The following STIL variants were observed in gnomAD, a reference collection of about 807,000 sequenced individuals.
STIL encodes SCL-interrupting locus protein.
STIL carries 55 observed loss-of-function variants against 110.1 expected under a neutral mutation model. The ratio of observed to expected loss-of-function variants is 0.50; its 90% CI spans 0.40 to 0.63. The LOEUF (loss-of-function observed/expected upper bound fraction) is 0.63. Among genes scored for constraint, STIL ranks in the 20% least tolerant of loss-of-function variants. The probability of loss-of-function intolerance (pLI) is 0.00; values close to 1 mark genes in which losing one functional copy is unlikely to be tolerated. For synonymous variants in STIL, 481 were observed against 530.0 expected (o/e 0.91, Z 1.27); for missense variants, 1,358 against 1,530.0 (o/e 0.89, Z 1.87).
At chr1:47,277,949 T>A (rs571244319) in intron 12 of STIL, among the ~76,000 whole-genome samples, 1 of 152,234 alleles carries the variant, frequency 6.6e-6, no homozygotes, top group African/African-American at 2.4e-5. Flanking sequence ...TTGTCCATGA[T>A]CTTGTAACCT....
At chr1:47,300,371 A>C (rs1183441228) in intron 5 of STIL, among the ~76,000 whole-genome samples, 1 of 152,144 alleles carries the variant, frequency 6.6e-6, no homozygotes, top group East Asian at 1.9e-4. Flanking sequence ...CCCAAGCTCC[A>C]CTACACATTT....
intron 12 of STIL, among the ~76,000 whole-genome samples, chr1:47,275,445 A>G (rs1644963993): frequency 1.3e-5 from 2 of 151,768 alleles, no homozygotes; most frequent in African/African-American, 4.8e-5. Context: ...CGTCTCTACT[A>G]AAAATACAAA....
rs1236026786 is a variant in STIL, at chr1:47,293,579, CACTT to C, written c.786-39_786-36del. 8 of 1,511,574 alleles carry C rather than the reference CACTT, an allele frequency of 5.3e-6. No homozygotes were observed. In the East Asian group the frequency reaches 1.8e-4, roughly 34 times the overall value. 93.6% of individuals were successfully genotyped at this position (1,511,574 alleles called of 1,614,324 possible). On this transcript the variant is annotated intron_variant, in intron 7 of 16. Coordinates refer to ENST00000371877, the MANE Select transcript of STIL (RefSeq NM_001048166.1). The stretch of plus-strand genomic sequence containing the variant: ...AAAGATAGAAATTAAAAACCATAGT[CACTT>C]ACATATATAGCATAATTTACATTCT...
At position 47,302,311 on chromosome 1, in the gene STIL, C is replaced by A. The variant is rs767031800; in HGVS notation, c.188G>T (p.Arg63Leu). 6.2e-7 allele frequency: 1 copy of A among 1,613,994 alleles called. No homozygotes were observed. Among genetic ancestry groups the A allele is most frequent in the Admixed American group, 1.7e-5 (1 of 60,008 alleles). Residue 63 changes from arginine to leucine, a missense_variant, in exon 4 of 17, where the codon CGA becomes CTA. Physicochemically the swap from Arg to Leu is moderately radical, Grantham distance 102. Transcript: ENST00000371877. Reference protein sequence around the residue: ...PKLVVTEKTIRLAYRHAKQNK... With the variant: ...PKLVVTEKTILLAYRHAKQNK... ...CTGCTTAGCATGACGATAAGCAAGT[C>A]GGATGGTCTTCTCAGTCACCACAAG...
intron 12 of STIL, among the ~76,000 whole-genome samples, chr1:47,276,808 T>A (rs1193435848): frequency 1.2e-5 from 1 of 81,534 alleles, no homozygotes; most frequent in African/African-American, 6.0e-5. Flanking sequence ...AGTAAAACTC[T>A]GCCTAAAAAA....
At chr1:47,263,144 ATTGAGGTACC>A (rs1417525410) in intron 14 of STIL, 28 bp from the exon 15 acceptor site, 2 of 1,591,328 alleles carry the variant, frequency 1.3e-6, no homozygotes, top group Non-Finnish European at 1.7e-6. Context: ...TGTGTTAGTC[ATTGAGGTACC>A]TTTAACATAT....
chr1:47,279,434 T>C (rs947701783), intron 12 of STIL, among the ~76,000 whole-genome samples: 3 of 151,974 alleles, frequency 2.0e-5, no homozygotes, highest in African/African-American at 4.8e-5. Context: ...GGTAGGTATG[T>C]GGAGGAAGGA....
chr1:47,277,394 T>C (rs976921544), intron 12 of STIL, among the ~76,000 whole-genome samples: 1 of 152,218 alleles, frequency 6.6e-6, no homozygotes, highest in Non-Finnish European at 1.5e-5. Context: ...GATTTTATTC[T>C]AATTGCAATG....
chr1:47,304,163 ATT>A (rs1381404663), intron 3 of STIL, among the ~76,000 whole-genome samples: 3 of 147,274 alleles, frequency 2.0e-5, no homozygotes, highest in East Asian at 4.0e-4. Flanking sequence ...TTTTTTCCTT[ATT>A]TTGTTTTTTT....
Position 47,281,483 on chromosome 1 carries a change from A to G in STIL, c.1249-274T>C, listed in dbSNP as rs372042345. 6.6e-5 allele frequency among the ~76,000 whole-genome samples: 10 copies of G among 152,334 alleles called. No homozygotes were observed. The East Asian group carries it at 1.7e-3, about 26-fold the overall frequency. Reference sequence around the variant, plus strand: ...TAATAATGGAACTCTTTTTATTAAAACACTAACACTGCTAAGATCACAGAA... The same window carrying G: ...TAATAATGGAACTCTTTTTATTAAAGCACTAACACTGCTAAGATCACAGAA... On this transcript the variant is annotated intron_variant, in intron 11 of 16. Coordinates refer to ENST00000371877, the MANE Select transcript of STIL (RefSeq NM_001048166.1).
At chr1:47,312,448 G>GT (rs1365851509) in intron 1 of STIL, among the ~76,000 whole-genome samples, 18 of 150,914 alleles carry the variant, frequency 1.2e-4, no homozygotes, top group African/African-American at 4.1e-4. Flanking sequence ...GCGAGACTCC[G>GT]TCTCAAAAAA....
chr1:47,251,425 G>GT lies in STIL; in HGVS notation c.3577dup (p.Thr1193AsnfsTer10), dbSNP rs1557694771. Reference sequence around the variant, plus strand: ...ATTTGTAATATTTCTCAATACTGGCGTATCTGCGTTGGTCCCCACAGATTC... The same window carrying GT: ...ATTTGTAATATTTCTCAATACTGGCGTTATCTGCGTTGGTCCCCACAGATTC... On this transcript the variant is annotated frameshift_variant, in exon 17 of 17. Coordinates refer to ENST00000371877, the MANE Select transcript of STIL (RefSeq NM_001048166.1). LOFTEE classifies it high-confidence loss of function. 1.9e-6 allele frequency: 3 copies of GT among 1,614,106 alleles called. No individual in the cohort carries two copies. Among genetic ancestry groups the GT allele is most frequent in the Admixed American group, 3.3e-5 (2 of 60,012 alleles).
At chr1:47,304,058 A>C (rs1447121560) in intron 3 of STIL, among the ~76,000 whole-genome samples, 1 of 152,166 alleles carries the variant, frequency 6.6e-6, no homozygotes, top group African/African-American at 2.4e-5. Flanking sequence ...TAAATAAGGA[A>C]ACTGATCCTT....
At chr1:47,285,433 C>G (rs1213209146) in intron 10 of STIL, among the ~76,000 whole-genome samples, 1 of 152,130 alleles carries the variant, frequency 6.6e-6, no homozygotes, top group Non-Finnish European at 1.5e-5. Flanking sequence ...TTCTGTTAAT[C>G]TGGAGAACCC....
chr1:47,255,126 TA>T (rs767722109), intron 16 of STIL, among the ~76,000 whole-genome samples: 13 of 146,824 alleles, frequency 8.9e-5, no homozygotes, highest in Non-Finnish European at 9.0e-5. Context: ...ACCACATCAC[TA>T]AAAAAAAAAT....
intron 8 of STIL, among the ~76,000 whole-genome samples, chr1:47,293,043 A>G (rs191603958): frequency 6.6e-6 from 1 of 152,308 alleles, no homozygotes; most frequent in East Asian, 1.9e-4. Flanking sequence ...GAAATTAAAA[A>G]TCTTGTCTCA....
chr1:47,307,110 C>T (rs1645982020), intron 2 of STIL, among the ~76,000 whole-genome samples: 3 of 152,172 alleles, frequency 2.0e-5, no homozygotes, highest in Non-Finnish European at 4.4e-5. Flanking sequence ...AAGATCACGC[C>T]ACCCCACTAC....
At chr1:47,273,772 G>GT (rs1644908627) in intron 12 of STIL, among the ~76,000 whole-genome samples, 5 of 152,212 alleles carry the variant, frequency 3.3e-5, no homozygotes, top group Middle Eastern at 3.4e-3. Context: ...TCTACAAATG[G>GT]TACTACTGTG....
At chr1:47,306,965 A>T (rs1337257942) in intron 2 of STIL, among the ~76,000 whole-genome samples, 3 of 152,164 alleles carry the variant, frequency 2.0e-5, no homozygotes, top group Non-Finnish European at 2.9e-5. Context: ...CAGCCTGGCC[A>T]ACATGGTGAA....
Sources: allele counts gnomAD v4.1 joint callset (sites outside exome capture counted in the v4.1 genomes callset), GRCh38; gene constraint gnomAD v4.1.1; transcripts MANE v1.5; gene names NCBI Gene and HGNC (gene_info 2026-07-23, HGNC 2026-07-21).